The following LINGO2 variants were observed in gnomAD, a reference collection of about 807,000 sequenced individuals.
LINGO2 encodes leucine rich repeat and Ig domain containing 2, also known as leucine-rich repeat and immunoglobulin-like domain-containing nogo receptor-interacting protein 2.
Under a neutral mutation model 30.6 loss-of-function variants are expected in LINGO2, and 14 were observed. That is an observed-to-expected ratio of 0.46 (90% CI 0.30 to 0.72). LINGO2 has a LOEUF of 0.72. LINGO2 is among the 30% of genes least tolerant of loss of function. The probability of loss-of-function intolerance (pLI) is 0.07; values close to 1 mark genes in which losing one functional copy is unlikely to be tolerated. For missense variants in LINGO2, 729 were observed against 751.7 expected, an observed-to-expected ratio of 0.97 and a Z score of 0.35; for synonymous variants, 317 against 288.5, an observed-to-expected ratio of 1.10 and a Z score of -1.00.
chr9:28,849,811 C>T, the LINGO2 span, among the ~76,000 whole-genome samples: 2 of 152,158 alleles, frequency 1.3e-5, no homozygotes, highest in South Asian at 2.1e-4. Flanking sequence ...ATCTCCTGAC[C>T]TATTGTCACT....
intron 4 of LINGO2, among the ~76,000 whole-genome samples, chr9:28,228,960 A>T (rs7875948): frequency 6.7e-4 from 101 of 151,508 alleles, no homozygotes; most frequent in African/African-American, 2.4e-3. Context: ...CTGTATTCCC[A>T]TAATTTCTAG....
chr9:28,625,055 G>A (rs772387542), intron 1 of LINGO2, among the ~76,000 whole-genome samples: 16 of 151,932 alleles, frequency 1.1e-4, no homozygotes, highest in African/African-American at 3.9e-4. Flanking sequence ...AAGTTGCCTA[G>A]GAATTTCAGA....
At chr9:28,030,152 G>GAATCAAAC (rs1220084244) in intron 4 of LINGO2, among the ~76,000 whole-genome samples, 3 of 152,152 alleles carry the variant, frequency 2.0e-5, no homozygotes, top group Non-Finnish European at 4.4e-5. Context: ...TTATAGGGAA[G>GAATCAAAC]AATCAAACAC....
At chr9:29,028,049 G>T in the LINGO2 span, among the ~76,000 whole-genome samples, 1 of 152,058 alleles carries the variant, frequency 6.6e-6, no homozygotes, top group East Asian at 1.9e-4. Flanking sequence ...CTTACAGAAA[G>T]TATGACCTGT....
At chr9:28,813,704 TATAA>T in the LINGO2 span, among the ~76,000 whole-genome samples, 1 of 152,162 alleles carries the variant, frequency 6.6e-6, no homozygotes, top group Admixed American at 6.5e-5. Context: ...TAATAAATGC[TATAA>T]ATAAACAAAT....
At chr9:28,638,767 C>T (rs544347423) in intron 1 of LINGO2, among the ~76,000 whole-genome samples, 2 of 152,060 alleles carry the variant, frequency 1.3e-5, no homozygotes, top group African/African-American at 4.8e-5. Flanking sequence ...TTTCAAAAAA[C>T]CAGCTCCTGG....
chr9:28,043,906 A>G (rs568212396), intron 4 of LINGO2, among the ~76,000 whole-genome samples: 74 of 152,304 alleles, frequency 4.9e-4, no homozygotes, highest in African/African-American at 1.3e-3. Context: ...ACATTTTTAC[A>G]TTGTGTTTGA....
intron 3 of LINGO2, among the ~76,000 whole-genome samples, chr9:28,356,970 A>T (rs1564146866): frequency 2.0e-5 from 3 of 152,234 alleles, no homozygotes; most frequent in Middle Eastern, 3.4e-3. Flanking sequence ...CTAACTTCAA[A>T]GTAAAAATGT....
At chr9:28,895,732 T>G in the LINGO2 span, among the ~76,000 whole-genome samples, 1 of 152,044 alleles carries the variant, frequency 6.6e-6, no homozygotes, top group Non-Finnish European at 1.5e-5. Flanking sequence ...GTTACGGGGA[T>G]GTCACAGGAG....
intron 4 of LINGO2, among the ~76,000 whole-genome samples, chr9:28,118,404 A>C (rs573505975): frequency 5.3e-4 from 80 of 152,328 alleles, no homozygotes; most frequent in African/African-American, 1.9e-3. Context: ...TTTCAAAAAT[A>C]ATGCCAGGTT....
the LINGO2 span, among the ~76,000 whole-genome samples, chr9:29,212,781 T>C: frequency 6.6e-6 from 1 of 152,300 alleles, no homozygotes; most frequent in South Asian, 2.1e-4. Flanking sequence ...GGCTACTCCC[T>C]GACTTGCCAG....
chr9:28,057,119 G>C (rs544646797), intron 4 of LINGO2, among the ~76,000 whole-genome samples: 7 of 152,182 alleles, frequency 4.6e-5, no homozygotes, highest in African/African-American at 1.4e-4. Flanking sequence ...AATGAATGCA[G>C]TTAGACCAAA....
the LINGO2 span, among the ~76,000 whole-genome samples, chr9:28,968,069 G>A: frequency 5.3e-5 from 8 of 152,226 alleles, no homozygotes; most frequent in African/African-American, 1.9e-4. Context: ...AGACTTTTCA[G>A]TCATACTTTT....
In LINGO2 at chr9:28,008,646, C is replaced by A. The variant is rs555473440; in HGVS notation, c.-36+3709G>T. Among the ~76,000 whole-genome samples the A allele has an allele frequency of 1.0e-3, 152 of 152,068 alleles. 1 individual carries two copies. The highest frequency in any genetic ancestry group is 3.2e-4 in the Non-Finnish European group (22 of 67,940). Reference sequence around the variant, plus strand: ...ATACATAAATACTGAATGTATTTGACAATCTGAAAATGAAATTTAAAAAAT... The same window carrying A: ...ATACATAAATACTGAATGTATTTGAAAATCTGAAAATGAAATTTAAAAAAT... On this transcript the variant is annotated intron_variant, in intron 5 of 5. Transcript: ENST00000379992.
chr9:28,387,524 T>C (rs1205946987), intron 2 of LINGO2, among the ~76,000 whole-genome samples: 2 of 152,220 alleles, frequency 1.3e-5, no homozygotes. Context: ...TTTCTTTTGC[T>C]GTTTGCAATA....
chr9:29,107,665 G>A, the LINGO2 span, among the ~76,000 whole-genome samples: 2 of 151,978 alleles, frequency 1.3e-5, no homozygotes, highest in African/African-American at 4.8e-5. Context: ...TGAAAATCTT[G>A]AGGAAAAGTA....
intron 3 of LINGO2, among the ~76,000 whole-genome samples, chr9:28,331,260 C>G (rs1394469296): frequency 1.3e-5 from 2 of 151,760 alleles, no homozygotes; most frequent in Non-Finnish European, 2.9e-5. Flanking sequence ...AATATAGAAG[C>G]AAACAACTTC....
At chr9:28,584,390 G>A (rs944610655) in intron 1 of LINGO2, among the ~76,000 whole-genome samples, 1 of 151,910 alleles carries the variant, frequency 6.6e-6, no homozygotes, top group Non-Finnish European at 1.5e-5. Context: ...AAACAAAAAT[G>A]CCCCCCAAAT....
At chr9:28,404,738 T>C (rs1822422041) in intron 2 of LINGO2, among the ~76,000 whole-genome samples, 1 of 152,210 alleles carries the variant, frequency 6.6e-6, no homozygotes, top group Admixed American at 6.6e-5. Flanking sequence ...CAGCTCTTTA[T>C]TGTAATCTCA....
Sources: gnomAD v4.1 joint callset for allele counts (sites outside exome capture counted in the v4.1 genomes callset) on GRCh38, gnomAD v4.1.1 for gene constraint, MANE v1.5 for transcripts, NCBI Gene and HGNC (gene_info 2026-07-23, HGNC 2026-07-21) for gene names.